Variants in ZNF670 observed in about 807,000 individuals in gnomAD.
The protein encoded by ZNF670 is zinc finger protein 670.
ZNF670 carries 7 observed loss-of-function variants against 10.9 expected under a neutral mutation model. The observed-to-expected ratio is 0.64, with a 90% CI of 0.36 to 1.20. The LOEUF (loss-of-function observed/expected upper bound fraction) is 1.20, where lower values mean the gene tolerates loss of function less well. ZNF670 is among the 50% of genes most tolerant of loss of function. The pLI, the probability that ZNF670 is intolerant of heterozygous loss-of-function variation, is 0.02. For missense variants in ZNF670, 446 were observed against 458.6 expected (o/e 0.97, Z 0.25); for synonymous variants, 136 against 152.7 (o/e 0.89, Z 0.81).
intron 1 of ZNF670, among the ~76,000 whole-genome samples, chr1:247,057,069 G>A (rs1319698057): frequency 6.6e-6 from 1 of 152,004 alleles, no homozygotes. Flanking sequence ...ACAACATACA[G>A]AATGCAAGAA....
intron 1 of ZNF670, among the ~76,000 whole-genome samples, chr1:247,065,083 C>T (rs547287900): frequency 4.6e-5 from 7 of 152,296 alleles, no homozygotes; most frequent in African/African-American, 9.6e-5. Flanking sequence ...GCTGAGATTA[C>T]GGGCATGAGC....
At chr1:247,072,853 T>C (rs4925610) in intron 1 of ZNF670, among the ~76,000 whole-genome samples, 38,939 of 98,404 alleles carry the variant, frequency 0.4, 8,357 homozygotes, top group African/African-American at 0.5. Context: ...TACACACACA[T>C]ACACACACAC....
intron 1 of ZNF670, among the ~76,000 whole-genome samples, chr1:247,057,296 A>G (rs553283071): frequency 4.1e-4 from 63 of 152,338 alleles, no homozygotes; most frequent in African/African-American, 1.5e-3. Context: ...CAAAATCATG[A>G]TGAGATATCT....
intron 1 of ZNF670, among the ~76,000 whole-genome samples, chr1:247,076,352 G>A (rs1671252988): frequency 6.6e-6 from 1 of 151,204 alleles, no homozygotes; most frequent in African/African-American, 2.4e-5. Context: ...TGCCTCCTAG[G>A]TTCACGCCAT....
chr1:247,037,825 G>T lies in ZNF670; in HGVS notation c.794C>A (p.Ser265Tyr). The T allele has an allele frequency of 6.2e-7, 1 of 1,613,034 alleles. No individual in the cohort carries two copies. The highest frequency in any genetic ancestry group is 1.3e-5 in the African/African-American group (1 of 74,936). Residue 265 changes from serine (S) to tyrosine (Y), a missense_variant, in exon 4 of 4, where the codon TCC becomes TAC. Ser to Tyr is a moderately radical substitution (Grantham distance 144). Coordinates refer to ENST00000366503, the MANE Select transcript of ZNF670 (RefSeq NM_033213.5). ...CKECGKAFSR[S>Y]TYLGIHERTH... Reference sequence around the variant, plus strand: ...TCTTTCATGTATTCCCAAGTAAGTGGAACGACTGAAGGCTTTGCCACATTC... The same window carrying T: ...TCTTTCATGTATTCCCAAGTAAGTGTAACGACTGAAGGCTTTGCCACATTC...
At chr1:247,044,351 C>A (rs775138878) in intron 1 of ZNF670, among the ~76,000 whole-genome samples, 1 of 152,144 alleles carries the variant, frequency 6.6e-6, no homozygotes, top group Non-Finnish European at 1.5e-5. Context: ...TTACACACTG[C>A]TGGTGGGAAT....
intron 1 of ZNF670, among the ~76,000 whole-genome samples, chr1:247,041,652 C>T (rs934094902): frequency 2.6e-5 from 4 of 152,318 alleles, no homozygotes; most frequent in East Asian, 1.9e-4. Context: ...AGAGAATTTA[C>T]GGTGCATTTG....
rs751120630 is a variant in ZNF670 at position 247,035,369 on chromosome 1, C to T, written c.*2080G>A. Among the ~76,000 whole-genome samples, 29 of 152,220 alleles carry T rather than the reference C, an allele frequency of 1.9e-4. 1 individual carries two copies. The highest frequency in any genetic ancestry group is 2.2e-4 in the African/African-American group (9 of 41,538). ...GCTGGTCCACACAAGACTTGCACTA[C>T]GGAGCAGATAGAACAAACAGGGTGT... On this transcript the variant is annotated 3_prime_UTR_variant, in exon 4 of 4. Transcript: ENST00000366503.
At chr1:247,038,564 C>G in intron 3 of ZNF670, 137 bp from the exon 4 acceptor site, 4 of 853,322 alleles carry the variant, frequency 4.7e-6, no homozygotes, top group Non-Finnish European at 5.3e-6. Context: ...AGATATGGGT[C>G]CCCCATAGCT....
intron 1 of ZNF670, among the ~76,000 whole-genome samples, chr1:247,069,974 A>G (rs187754256): frequency 9.8e-5 from 15 of 152,314 alleles, no homozygotes; most frequent in East Asian, 3.9e-4. Flanking sequence ...TTAATTGTAC[A>G]CTTTAAAGCA....
At chr1:247,042,664 A>C (rs956507303) in intron 1 of ZNF670, 3 of 274,378 alleles carry the variant, frequency 1.1e-5, no homozygotes, top group Admixed American at 5.1e-5. Flanking sequence ...GAAGAAAGTA[A>C]GTTTAGGATT....
At chr1:247,067,161 C>T (rs1670999743) in intron 1 of ZNF670, among the ~76,000 whole-genome samples, 1 of 152,104 alleles carries the variant, frequency 6.6e-6, no homozygotes, top group Non-Finnish European at 1.5e-5. Flanking sequence ...CTCGGCCAGG[C>T]GCGGTGGCTC....
intron 1 of ZNF670, among the ~76,000 whole-genome samples, chr1:247,051,200 T>C (rs1402289890): frequency 1.3e-5 from 2 of 150,836 alleles, no homozygotes; most frequent in Non-Finnish European, 3.0e-5. Context: ...CCCAGCTACT[T>C]GGGAGGCTAA....
chr1:247,071,322 C>T (rs897724051), intron 1 of ZNF670, among the ~76,000 whole-genome samples: 2 of 152,224 alleles, frequency 1.3e-5, no homozygotes, highest in Non-Finnish European at 2.9e-5. Flanking sequence ...CCCTTTGCAG[C>T]AACATGGATG....
intron 1 of ZNF670, among the ~76,000 whole-genome samples, chr1:247,063,475 T>C (rs184609168): frequency 8.6e-4 from 127 of 147,570 alleles, no homozygotes; most frequent in African/African-American, 3.0e-3. Context: ...CCCAGCTACT[T>C]GGGAGGCTGA....
rs772603869 is a variant in ZNF670, at chr1:247,038,164, G to C, written c.455C>G (p.Ser152Cys). Residue 152 changes from serine to cysteine, a missense_variant, in exon 4 of 4, where the codon TCT (serine) becomes TGT (cysteine). By Grantham distance (112) the Ser-to-Cys change is moderately radical. Coordinates refer to ENST00000366503, the MANE Select transcript of ZNF670 (RefSeq NM_033213.5). ...HCKQCGKAFI[S>C]LTSVDRHMVT... ...CATGTGTCTGTCAACACTGGTGAGA[G>C]AGATAAAGGCTTTCCCACATTGTTT... 6.2e-7 allele frequency: 1 copy of C among 1,614,030 alleles called. No individual in the cohort carries two copies. The highest frequency in any genetic ancestry group is 1.3e-5 in the African/African-American group (1 of 74,930).
At chr1:247,071,142 A>G (rs80201096) in intron 1 of ZNF670, among the ~76,000 whole-genome samples, 3,278 of 152,310 alleles carry the variant, frequency 0.022, 129 homozygotes, top group African/African-American at 0.073. Flanking sequence ...GGGAATCTGA[A>G]TCATTCTACC....
chr1:247,071,286 C>A (rs1572573179), intron 1 of ZNF670, among the ~76,000 whole-genome samples: 2 of 152,170 alleles, frequency 1.3e-5, no homozygotes, highest in African/African-American at 4.8e-5. Context: ...GACAATTACA[C>A]AGCCATAGAA....
At chr1:247,074,439 A>G (rs1274641711) in intron 1 of ZNF670, among the ~76,000 whole-genome samples, 1 of 152,002 alleles carries the variant, frequency 6.6e-6, no homozygotes, top group Non-Finnish European at 1.5e-5. Flanking sequence ...TATGAAAGAA[A>G]GCCCTTTTCT....
Sources: allele counts gnomAD v4.1 joint callset (sites outside exome capture counted in the v4.1 genomes callset), GRCh38; gene constraint gnomAD v4.1.1; transcripts MANE v1.5; gene names NCBI Gene and HGNC (gene_info 2026-07-23, HGNC 2026-07-21).